The following FAM13B variants were observed in gnomAD, a reference collection of about 807,000 sequenced individuals.
The protein encoded by FAM13B is family with sequence similarity 13 member B, also known as protein FAM13B.
A neutral mutation model predicts 117.3 loss-of-function variants in FAM13B; 60 were observed. The ratio of observed to expected loss-of-function variants is 0.51; its 90% confidence interval spans 0.42 to 0.63. The LOEUF is 0.63. Among genes scored for constraint, FAM13B ranks in the 30% least tolerant of loss-of-function variants. FAM13B has a pLI of 0.00. For missense variants in FAM13B, 972 were observed against 1,091.9 expected (o/e 0.89, Z 1.55); for synonymous variants, 332 against 356.1 (o/e 0.93, Z 0.76).
At chr5:138,024,735 T>G (rs538821768) in intron 1 of FAM13B, among the ~76,000 whole-genome samples, 3 of 152,012 alleles carry the variant, frequency 2.0e-5, no homozygotes, top group African/African-American at 7.2e-5. Flanking sequence ...TGTGTGGACT[T>G]TCAAAATAAC....
chr5:137,974,603 G>A (rs1347231622), intron 10 of FAM13B, among the ~76,000 whole-genome samples: 1 of 134,696 alleles, frequency 7.4e-6, no homozygotes, highest in Non-Finnish European at 1.6e-5. Context: ...AAAACTTAAA[G>A]TATAATAATA....
At chr5:137,981,735 G>A (rs1423998849) in intron 10 of FAM13B, among the ~76,000 whole-genome samples, 1 of 150,720 alleles carries the variant, frequency 6.6e-6, no homozygotes, top group Non-Finnish European at 1.5e-5. Flanking sequence ...GTACTGTGCC[G>A]AGACTGTGCC....
chr5:137,975,826 T>G (rs1773752220), intron 10 of FAM13B, among the ~76,000 whole-genome samples: 1 of 151,958 alleles, frequency 6.6e-6, no homozygotes, highest in Non-Finnish European at 1.5e-5. Flanking sequence ...TGGGTTTTTT[T>G]TTTTCTTTCT....
intron 6 of FAM13B, 27 bp downstream of exon 6, chr5:138,010,981 T>G: frequency 9.4e-7 from 1 of 1,061,846 alleles, no homozygotes; most frequent in Non-Finnish European, 1.2e-6. Flanking sequence ...AAAAAAAAAA[T>G]TATCCCTCCA....
chr5:137,946,342 C>CAAAAAAAAAAAAAAAAAAACAAAAAAAA, intron 18 of FAM13B, 31 bp from the exon 19 acceptor site: 1 of 919,180 alleles, frequency 1.1e-6, no homozygotes. Context: ...TAACAAAATA[C>CAAAAAAAAAAAAAAAAAAACAAAAAAAA]AAAAAAAAAA....
chr5:137,968,447 A>AG (rs1419580413), intron 10 of FAM13B, among the ~76,000 whole-genome samples: 1 of 151,894 alleles, frequency 6.6e-6, no homozygotes, highest in African/African-American at 2.4e-5. Context: ...TCAAAAAAAA[A>AG]AAAAAAAAAA....
intron 7 of FAM13B, among the ~76,000 whole-genome samples, chr5:138,004,997 G>T (rs184319669): frequency 6.6e-6 from 1 of 152,172 alleles, no homozygotes; most frequent in East Asian, 1.9e-4. Flanking sequence ...CAGCACTCTG[G>T]GAGGCCAAGG....
intron 1 of FAM13B, among the ~76,000 whole-genome samples, chr5:138,046,743 CTTTT>C (rs758839927): frequency 2.0e-5 from 3 of 151,926 alleles, no homozygotes; most frequent in Non-Finnish European, 4.4e-5. Flanking sequence ...TTCTTCTTTT[CTTTT>C]TTTCTTTTCT....
intron 10 of FAM13B, among the ~76,000 whole-genome samples, chr5:137,964,865 T>C (rs1046220810): frequency 1.3e-5 from 2 of 151,706 alleles, no homozygotes; most frequent in African/African-American, 2.4e-5. Context: ...AAATAGCTTA[T>C]AAGAAAAACC....
intron 1 of FAM13B, among the ~76,000 whole-genome samples, chr5:138,050,546 A>G (rs991161663): frequency 6.6e-6 from 1 of 152,200 alleles, no homozygotes; most frequent in African/African-American, 2.4e-5. Context: ...CAGCCCCACC[A>G]TCTTGGACTC....
chr5:138,025,683 T>C (rs1478098323), intron 1 of FAM13B, among the ~76,000 whole-genome samples: 1 of 152,110 alleles, frequency 6.6e-6, no homozygotes. Context: ...AATTTAATAT[T>C]GTTGAAATAT....
At chr5:137,976,524 A>G (rs1342248871) in intron 10 of FAM13B, among the ~76,000 whole-genome samples, 1 of 152,194 alleles carries the variant, frequency 6.6e-6, no homozygotes, top group Non-Finnish European at 1.5e-5. Flanking sequence ...TCCATAACCT[A>G]TCAGCCAGAA....
chr5:138,048,535 G>A lies in FAM13B; in HGVS notation c.-203+3343C>T, dbSNP rs1422901060. 3.9e-5 allele frequency among the ~76,000 whole-genome samples: 6 copies of A among 152,226 alleles called. No individual in the cohort carries two copies. In the East Asian group the frequency reaches 1.2e-3, roughly 29 times the overall value. ...ATCCACTGGGTAGGAACCAGCCTAT[G>A]GACCCTCAGCCTAGCACCAGGTGGT... On this transcript the variant is annotated intron_variant, in intron 1 of 3. Coordinates refer to the FAM13B transcript ENST00000502471.
At chr5:138,043,442 CTTTTT>C (rs562460878) in intron 1 of FAM13B, among the ~76,000 whole-genome samples, 1 of 138,438 alleles carries the variant, frequency 7.2e-6, no homozygotes, top group Non-Finnish European at 1.6e-5. Flanking sequence ...TTCTTTCTTT[CTTTTT>C]TTTTTTTTTT....
At chr5:137,945,014 T>G (rs1763062525) in intron 20 of FAM13B, among the ~76,000 whole-genome samples, 1 of 151,626 alleles carries the variant, frequency 6.6e-6, no homozygotes, top group South Asian at 2.1e-4. Context: ...AGTACCTAGG[T>G]GACAGGATTA....
rs1767597813 is a variant in FAM13B at position 137,959,711 on chromosome 5, G to A, written c.1346C>T (p.Pro449Leu). 1 of 1,613,762 alleles carries A rather than the reference G, an allele frequency of 6.2e-7. No homozygotes were observed. The highest frequency in any genetic ancestry group is 8.5e-7 in the Non-Finnish European group (1 of 1,179,776). Residue 449 changes from proline to leucine, a missense_variant, in exon 13 of 24, where the codon CCA (proline) becomes CTA (leucine). Pro to Leu is a moderately conservative substitution (Grantham distance 98). Coordinates refer to ENST00000689681, the MANE Select transcript of FAM13B (RefSeq NM_001385994.1). The part of the protein sequence containing the change: ...DLNANTESEV[P>L]GGQSVGVQGE... ...TTGAACACCAACACTCTGACCTCCTGGTACTTCTGATTCAGTGTTGGCATT... is the reference window on the plus strand; with the variant it reads ...TTGAACACCAACACTCTGACCTCCTAGTACTTCTGATTCAGTGTTGGCATT...
intron 1 of FAM13B, 91 bp from the exon 2 acceptor site, chr5:138,021,288 G>C (rs1237789104): frequency 2.0e-6 from 2 of 991,252 alleles, no homozygotes; most frequent in Non-Finnish European, 2.6e-6. Flanking sequence ...CCTCTTAAGA[G>C]GTTACCTATA....
chr5:137,938,094 T>C lies in FAM13B; in HGVS notation c.*2131A>G, dbSNP rs529174384. 2 of 152,400 alleles carry C rather than the reference T, an allele frequency of 1.3e-5. No individual in the cohort carries two copies. Among genetic ancestry groups the C allele is most frequent in the East Asian group, 3.9e-4 (2 of 5,194 alleles). 9.4% of individuals were successfully genotyped at this position (152,400 alleles called of 1,614,324 possible). On this transcript the variant is annotated 3_prime_UTR_variant, in exon 24 of 24. Transcript: ENST00000689681. ...TATACAGTTTTTATTTGTACCAAAG[T>C]AAAACTATCACCAACTGCCTAATTC... is the stretch of plus-strand genomic sequence containing the variant.
chr5:137,945,941 T>C lies in FAM13B; in HGVS notation c.2301A>G (p.Val767=), dbSNP rs759153274. Residue 767 remains valine, a synonymous_variant, in exon 20 of 24, where the codon GTA becomes GTG. Coordinates refer to ENST00000689681, the MANE Select transcript of FAM13B (RefSeq NM_001385994.1). ...TGCTAGCTCTTGTCAGCATTTGTTT[T>C]ACAAGCCTGTATCTATCATAGAGAG... ...VKPLYDRYRL[V]KQMLTRASIT... is the part of the protein sequence containing the mutation. 1.9e-6 allele frequency: 3 copies of C among 1,613,502 alleles called. No individual in the cohort carries two copies. The highest frequency in any genetic ancestry group is 1.1e-5 in the South Asian group (1 of 91,034).
Sources: allele counts gnomAD v4.1 joint callset (sites outside exome capture counted in the v4.1 genomes callset), GRCh38; gene constraint gnomAD v4.1.1; transcripts MANE v1.5; gene names NCBI Gene and HGNC (gene_info 2026-07-23, HGNC 2026-07-21).